SLC14A2: variants seen among roughly 807,000 people sequenced by gnomAD.
The protein encoded by SLC14A2 is urea transporter 2.
A neutral mutation model predicts 104.6 loss-of-function variants in SLC14A2; 91 were observed. The observed-to-expected ratio is 0.87, with a 90% CI of 0.73 to 1.04. The LOEUF is 1.04. SLC14A2 is among the 50% of genes least tolerant of loss of function. The pLI, the probability that SLC14A2 is intolerant of heterozygous loss-of-function variation, is 0.00. For missense variants in SLC14A2, 1,189 were observed against 1,156.0 expected (o/e 1.03, Z -0.41); for synonymous variants, 476 against 466.4 (o/e 1.02, Z -0.27).
chr18:45,413,670 T>C (rs961335033), intron 1 of SLC14A2, among the ~76,000 whole-genome samples: 5 of 152,228 alleles, frequency 3.3e-5, no homozygotes, highest in Admixed American at 1.3e-4. Flanking sequence ...AGCATTGTTG[T>C]TTGGCAAGTT....
chr18:45,574,345 A>AAGAC (rs2044390677), intron 2 of SLC14A2, among the ~76,000 whole-genome samples: 1 of 152,176 alleles, frequency 6.6e-6, no homozygotes, highest in Non-Finnish European at 1.5e-5. Flanking sequence ...AGGTAGGTTA[A>AAGAC]AGACAGTAGA....
chr18:45,206,109 GA>G, the SLC14A2 span, among the ~76,000 whole-genome samples: 7 of 152,226 alleles, frequency 4.6e-5, no homozygotes, highest in African/African-American at 1.7e-4. Context: ...AGTGGTCACT[GA>G]AAACAGAGTT....
intron 2 of SLC14A2, among the ~76,000 whole-genome samples, chr18:45,552,352 C>T (rs7226643): frequency 0.18 from 26,911 of 152,090 alleles, 2,992 homozygotes; most frequent in African/African-American, 0.3. Context: ...CAGCTGGGCC[C>T]TGCCAGCCCC....
At chr18:45,572,887 A>G (rs1375248624) in intron 2 of SLC14A2, among the ~76,000 whole-genome samples, 1 of 152,238 alleles carries the variant, frequency 6.6e-6, no homozygotes, top group Non-Finnish European at 1.5e-5. Flanking sequence ...TTAAAAAAAA[A>G]TTCTATAAGG....
intron 1 of SLC14A2, among the ~76,000 whole-genome samples, chr18:45,263,242 C>T (rs73425984): frequency 0.25 from 38,522 of 151,838 alleles, 5,328 homozygotes; most frequent in African/African-American, 0.36. Context: ...AATGTGAGGG[C>T]GTCTGATGTT....
chr18:45,629,588 T>C (rs2045313606), intron 4 of SLC14A2, among the ~76,000 whole-genome samples: 1 of 152,146 alleles, frequency 6.6e-6, no homozygotes, highest in Non-Finnish European at 1.5e-5. Context: ...TCCAGCCCCA[T>C]TATCCTCATC....
At chr18:45,450,218 C>A (rs1179304754) in intron 1 of SLC14A2, among the ~76,000 whole-genome samples, 1 of 152,154 alleles carries the variant, frequency 6.6e-6, no homozygotes, top group African/African-American at 2.4e-5. Context: ...CGGAGAGGTC[C>A]AAACTGCTGA....
intron 2 of SLC14A2, among the ~76,000 whole-genome samples, chr18:45,580,680 T>C (rs2044477930): frequency 6.6e-6 from 1 of 152,166 alleles, no homozygotes; most frequent in Non-Finnish European, 1.5e-5. Flanking sequence ...TTGCAGGTAA[T>C]GCTCTGAGCC....
At chr18:45,558,263 A>G (rs2044157820) in intron 2 of SLC14A2, among the ~76,000 whole-genome samples, 1 of 152,180 alleles carries the variant, frequency 6.6e-6, no homozygotes, top group African/African-American at 2.4e-5. Flanking sequence ...ACCCCTAAGG[A>G]CACCCACTTG....
At chr18:45,468,958 A>G (rs914270690) in intron 1 of SLC14A2, among the ~76,000 whole-genome samples, 1 of 152,250 alleles carries the variant, frequency 6.6e-6, no homozygotes, top group African/African-American at 2.4e-5. Context: ...AACTCACAGC[A>G]TGAATTAAGA....
rs146423698 is a variant in SLC14A2 at position 45,236,578 on chromosome 18, C to CAT, written c.-125+23396_-125+23397dup. On this transcript the variant is annotated intron_variant, in intron 1 of 20. Coordinates refer to the SLC14A2 transcript ENST00000586448. ...ATATATGTGTATATATGTATATATA[C>CAT]ATATATATATGGGAAAAAGTATATA... Among the ~76,000 whole-genome samples, 223 of 72,696 alleles carry CAT rather than the reference C, an allele frequency of 3.1e-3. 50 individuals are homozygous for CAT. Among genetic ancestry groups the CAT allele is most frequent in the South Asian group, 0.011 (31 of 2,950 alleles). The allele number at this position is 72,696 out of a possible 152,430, so 47.7% of individuals were successfully genotyped here. A position where few individuals can be genotyped will look rare whatever the true frequency, so the allele number is the denominator to read the frequency against.
At chr18:45,436,854 C>G (rs1276369809) in intron 1 of SLC14A2, 1 of 151,902 alleles carries the variant, frequency 6.6e-6, no homozygotes, top group South Asian at 2.1e-4. Flanking sequence ...AACCAAAAAA[C>G]AATGCATATT....
At chr18:45,450,692 T>G (rs1342861635) in intron 1 of SLC14A2, among the ~76,000 whole-genome samples, 1 of 152,240 alleles carries the variant, frequency 6.6e-6, no homozygotes, top group African/African-American at 2.4e-5. Flanking sequence ...GGTTACACTC[T>G]GACAGTCTAT....
At chr18:45,516,828 G>A (rs903867529) in intron 2 of SLC14A2, among the ~76,000 whole-genome samples, 2 of 152,152 alleles carry the variant, frequency 1.3e-5, no homozygotes, top group East Asian at 3.9e-4. Flanking sequence ...AACCAGTGGG[G>A]GTTAAGTTAG....
chr18:45,295,330 C>G (rs1207790252), intron 1 of SLC14A2, among the ~76,000 whole-genome samples: 1 of 151,556 alleles, frequency 6.6e-6, no homozygotes, highest in African/African-American at 2.4e-5. Flanking sequence ...TAGGGGAATA[C>G]TCATGGAAAA....
At chr18:45,196,842 T>C in the SLC14A2 span, among the ~76,000 whole-genome samples, 1 of 152,220 alleles carries the variant, frequency 6.6e-6, no homozygotes, top group African/African-American at 2.4e-5. Flanking sequence ...ACTTGGCGAA[T>C]AGAACTAATA....
chr18:45,584,119 G>A (rs528141666), intron 2 of SLC14A2, among the ~76,000 whole-genome samples: 9 of 152,312 alleles, frequency 5.9e-5, no homozygotes, highest in Non-Finnish European at 1.2e-4. Context: ...GCTAGTGGCC[G>A]CTGTATTAAA....
At chr18:45,551,075 C>T (rs184939800) in intron 2 of SLC14A2, among the ~76,000 whole-genome samples, 4 of 152,058 alleles carry the variant, frequency 2.6e-5, no homozygotes, top group African/African-American at 9.7e-5. Flanking sequence ...GGGCCTAGAA[C>T]CAATAATTAA....
At chr18:45,535,762 C>A (rs778159440) in intron 2 of SLC14A2, among the ~76,000 whole-genome samples, 1 of 152,172 alleles carries the variant, frequency 6.6e-6, no homozygotes, top group Admixed American at 6.5e-5. Context: ...GCCTCAGTTT[C>A]CTCATTTGTA....
Sources: gnomAD v4.1 joint callset for allele counts (sites outside exome capture counted in the v4.1 genomes callset) on GRCh38, gnomAD v4.1.1 for gene constraint, MANE v1.5 for transcripts, NCBI Gene and HGNC (gene_info 2026-07-23, HGNC 2026-07-21) for gene names.